Variants in ESR1 observed in about 807,000 individuals in gnomAD.
ESR1 encodes the protein estrogen receptor.
Under a neutral mutation model 52.7 loss-of-function variants are expected in ESR1, and 12 were observed. That is an observed-to-expected ratio of 0.23 (90% CI 0.15 to 0.37). The LOEUF is 0.37. Among genes scored for constraint, ESR1 ranks in the 10% least tolerant of loss-of-function variants. ESR1 has a pLI of 1.00. For missense variants in ESR1, 584 were observed against 779.7 expected (o/e 0.75, Z 2.99); for synonymous variants, 305 against 316.8 (o/e 0.96, Z 0.39).
At chr6:152,007,724 G>A (rs573201635) in intron 4 of ESR1, among the ~76,000 whole-genome samples, 26 of 152,092 alleles carry the variant, frequency 1.7e-4, no homozygotes, top group Non-Finnish European at 1.6e-4. Flanking sequence ...CAGGCCCATG[G>A]CCCCCATGTC....
upstream of ESR1, among the ~76,000 whole-genome samples, chr6:151,807,043 A>T (rs1328641008): frequency 6.6e-6 from 1 of 152,144 alleles, no homozygotes; most frequent in Non-Finnish European, 1.5e-5. Context: ...CATTTTGCAG[A>T]GGAAGAAACT....
chr6:152,029,448 G>A (rs1273025181), intron 5 of ESR1, among the ~76,000 whole-genome samples: 1 of 152,202 alleles, frequency 6.6e-6, no homozygotes, highest in Non-Finnish European at 1.5e-5. Flanking sequence ...GTCCTTAAAG[G>A]ACCTGATGGA....
intron 2 of ESR1, among the ~76,000 whole-genome samples, chr6:151,706,012 A>G (rs902395120): frequency 2.6e-5 from 4 of 152,156 alleles, no homozygotes; most frequent in African/African-American, 9.7e-5. Flanking sequence ...AGGTACCAGA[A>G]TTTTCTGTAC....
intron 4 of ESR1, among the ~76,000 whole-genome samples, chr6:151,973,430 G>C (rs1172727238): frequency 6.6e-6 from 1 of 152,126 alleles, no homozygotes; most frequent in Non-Finnish European, 1.5e-5. Context: ...TGATAACTTG[G>C]CTAACTTTAC....
intron 6 of ESR1, among the ~76,000 whole-genome samples, chr6:152,115,461 T>A (rs1232314031): frequency 1.3e-5 from 2 of 152,064 alleles, no homozygotes; most frequent in Non-Finnish European, 2.9e-5. Flanking sequence ...ATGACAAAAA[T>A]AATTCCAGAT....
chr6:152,073,068 C>A (rs995185696), intron 6 of ESR1, among the ~76,000 whole-genome samples: 2 of 152,206 alleles, frequency 1.3e-5, no homozygotes, highest in African/African-American at 4.8e-5. Context: ...ATGCCAGAGG[C>A]ATTTCCAACT....
chr6:151,799,663 T>A (rs1228285303), upstream of ESR1, among the ~76,000 whole-genome samples: 1 of 152,104 alleles, frequency 6.6e-6, no homozygotes, highest in African/African-American at 2.4e-5. Flanking sequence ...AAATAGGAAA[T>A]CCAACAGCAT....
intron 2 of ESR1, among the ~76,000 whole-genome samples, chr6:151,850,055 TATAATTTTATATATATATAA>T (rs1786178277): frequency 3.3e-5 from 4 of 122,254 alleles, no homozygotes; most frequent in Non-Finnish European, 6.8e-5. Flanking sequence ...TTTATATATA[TATAATTTTATATATATATAA>T]AAAATTATAT....
chr6:151,850,128 C>G (rs1428716592), intron 2 of ESR1, among the ~76,000 whole-genome samples: 1 of 2,072 alleles, frequency 4.8e-4, no homozygotes, highest in African/African-American at 2.8e-3. Flanking sequence ...ATATATATGT[C>G]TGGTACAGGC....
intron 5 of ESR1, among the ~76,000 whole-genome samples, chr6:152,058,481 T>C (rs1479312562): frequency 2.0e-5 from 3 of 152,232 alleles, no homozygotes; most frequent in Non-Finnish European, 2.9e-5. Context: ...AGTATATCTA[T>C]AGGTAATACT....
Position 151,808,005 on chromosome 6 carries a change from C to A in ESR1, c.93C>A (p.Leu31=). 6.2e-7 allele frequency: 1 copy of A among 1,613,928 alleles called. No individual in the cohort carries two copies. The highest frequency in any genetic ancestry group is 1.1e-5 in the South Asian group (1 of 91,060). Residue 31 remains leucine (L), a synonymous_variant, in exon 1 of 8, where the codon CTC becomes CTA. Coordinates refer to ENST00000206249, the MANE Select transcript of ESR1 (RefSeq NM_000125.4). ...NELEPLNRPQ[L]KIPLERPLGE... is the part of the protein sequence containing the mutation. ...TGGAGCCCCTGAACCGTCCGCAGCT[C>A]AAGATCCCCCTGGAGCGGCCCCTGG...
intron 1 of ESR1, among the ~76,000 whole-genome samples, chr6:151,815,795 G>A (rs535906941): frequency 2.6e-4 from 40 of 152,256 alleles, no homozygotes; most frequent in African/African-American, 8.7e-4. Flanking sequence ...GTTATATGAC[G>A]TATATGTTCC....
At chr6:152,000,243 A>G (rs1187281051) in intron 4 of ESR1, among the ~76,000 whole-genome samples, 1 of 152,076 alleles carries the variant, frequency 6.6e-6, no homozygotes, top group African/African-American at 2.4e-5. Flanking sequence ...AAAAATATCC[A>G]TAGAGCATAC....
chr6:152,075,494 G>A (rs2048669554), intron 6 of ESR1, among the ~76,000 whole-genome samples: 1 of 152,162 alleles, frequency 6.6e-6, no homozygotes, highest in Non-Finnish European at 1.5e-5. Flanking sequence ...CACTTAGAAT[G>A]ATAGAAACAA....
At chr6:151,663,653 G>C (rs1400070132) in intron 1 of ESR1, among the ~76,000 whole-genome samples, 1 of 152,116 alleles carries the variant, frequency 6.6e-6, no homozygotes, top group Non-Finnish European at 1.5e-5. Flanking sequence ...AACTGTGCTT[G>C]GTGCTAACAG....
intron 4 of ESR1, among the ~76,000 whole-genome samples, chr6:151,957,651 A>G (rs1395907378): frequency 9.6e-6 from 1 of 103,936 alleles, no homozygotes. Flanking sequence ...AAGCTATCCT[A>G]CAAGCTTAAA....
At chr6:151,737,690 A>G (rs1326767049) in intron 2 of ESR1, among the ~76,000 whole-genome samples, 1 of 152,148 alleles carries the variant, frequency 6.6e-6, no homozygotes, top group African/African-American at 2.4e-5. Flanking sequence ...TTCCTTGACT[A>G]GCCTTCCTAG....
chr6:151,948,818 A>T (rs141596928), intron 4 of ESR1, among the ~76,000 whole-genome samples: 1 of 152,156 alleles, frequency 6.6e-6, no homozygotes, highest in Admixed American at 6.5e-5. Flanking sequence ...TGTGTGAGTT[A>T]TTCCAGGGCT....
At chr6:151,951,918 C>T (rs778945103) in intron 4 of ESR1, among the ~76,000 whole-genome samples, 1 of 152,248 alleles carries the variant, frequency 6.6e-6, no homozygotes, top group Non-Finnish European at 1.5e-5. Context: ...GTGTGCCTGT[C>T]TCCTCTTTAC....
Sources: gnomAD v4.1 joint callset for allele counts (sites outside exome capture counted in the v4.1 genomes callset) on GRCh38, gnomAD v4.1.1 for gene constraint, MANE v1.5 for transcripts, NCBI Gene and HGNC (gene_info 2026-07-23, HGNC 2026-07-21) for gene names.